SLC12A7: variants seen among roughly 807,000 people sequenced by gnomAD.
The protein encoded by SLC12A7 is K-Cl cotransporter 4.
SLC12A7 carries 100 observed loss-of-function variants against 120.6 expected under a neutral mutation model. That is an observed-to-expected ratio of 0.83 (90% CI 0.71 to 0.98). The LOEUF is 0.98. SLC12A7 is among the 50% of genes least tolerant of loss of function. The pLI, the probability that SLC12A7 is intolerant of heterozygous loss-of-function variation, is 0.00. For missense variants in SLC12A7, 1,373 were observed against 1,548.1 expected (o/e 0.89, Z 1.90); for synonymous variants, 760 against 678.0 (o/e 1.12, Z -1.88).
the SLC12A7 span, among the ~76,000 whole-genome samples, chr5:1,153,598 A>G: frequency 6.6e-6 from 1 of 152,208 alleles, no homozygotes; most frequent in African/African-American, 2.4e-5. Flanking sequence ...GAGCCAAGGA[A>G]CAGCCCATGG....
At chr5:1,142,583 T>G in the SLC12A7 span, among the ~76,000 whole-genome samples, 1 of 139,432 alleles carries the variant, frequency 7.2e-6, no homozygotes, top group Non-Finnish European at 1.5e-5. Context: ...TCTGTCTCTG[T>G]CCATCTGTCT....
At chr5:1,082,073 T>A (rs11739904) in intron 8 of SLC12A7, among the ~76,000 whole-genome samples, 21 of 59,306 alleles carry the variant, frequency 3.5e-4, no homozygotes, top group South Asian at 1.1e-3. Context: ...CTTCCCATCT[T>A]GGGTTCTGGA....
the SLC12A7 span, among the ~76,000 whole-genome samples, chr5:1,118,042 C>T: frequency 6.6e-6 from 1 of 152,150 alleles, no homozygotes; most frequent in Non-Finnish European, 1.5e-5. Flanking sequence ...CGCCACTGCA[C>T]TCCAGCCTGG....
chr5:1,099,203 C>T (rs1271251236), intron 1 of SLC12A7, among the ~76,000 whole-genome samples: 2 of 152,158 alleles, frequency 1.3e-5, no homozygotes, highest in Non-Finnish European at 2.9e-5. Context: ...AGCCAAACCC[C>T]ACCCCATGGG....
chr5:1,123,088 G>A, the SLC12A7 span, among the ~76,000 whole-genome samples: 13 of 152,308 alleles, frequency 8.5e-5, no homozygotes, highest in African/African-American at 1.4e-4. Flanking sequence ...TGGCTGAGCC[G>A]CTGCCACTGC....
chr5:1,109,385 C>T (rs1742815087), intron 1 of SLC12A7, among the ~76,000 whole-genome samples: 1 of 152,224 alleles, frequency 6.6e-6, no homozygotes, highest in Non-Finnish European at 1.5e-5. Context: ...CCTCCCACCT[C>T]CTACTCTCAA....
At chr5:1,147,641 C>A in the SLC12A7 span, among the ~76,000 whole-genome samples, 1 of 152,340 alleles carries the variant, frequency 6.6e-6, no homozygotes, top group African/African-American at 2.4e-5. Flanking sequence ...ACATTTAAAT[C>A]TCTCTGCTCC....
chr5:1,089,862 AG>A (rs1740297815), intron 3 of SLC12A7, among the ~76,000 whole-genome samples: 1 of 151,664 alleles, frequency 6.6e-6, no homozygotes, highest in Non-Finnish European at 1.5e-5. Flanking sequence ...GGGACGGGCC[AG>A]GCTGGGGTAG....
the SLC12A7 span, among the ~76,000 whole-genome samples, chr5:1,151,522 A>G: frequency 6.6e-6 from 1 of 152,134 alleles, no homozygotes; most frequent in Admixed American, 6.5e-5. This position sits in a 1 kb window ranked among gnomAD's most constrained non-coding sequence, Gnocchi z 6.2. Context: ...CCCACCAGCC[A>G]TAACAACAGC....
intron 3 of SLC12A7, among the ~76,000 whole-genome samples, chr5:1,089,638 C>T (rs941866118): frequency 7.2e-5 from 11 of 152,180 alleles, no homozygotes; most frequent in African/African-American, 9.6e-5. Context: ...ACATCTTAAC[C>T]GGGCACGGAG....
chr5:1,073,857 A>C (rs907699543), intron 16 of SLC12A7, 56 bp from the exon 17 acceptor site: 1 of 1,335,630 alleles, frequency 7.5e-7, no homozygotes. Flanking sequence ...GGCACGGCCC[A>C]TCAACAGGCA....
intron 14 of SLC12A7, 126 bp downstream of exon 14, chr5:1,076,012 T>TGCAGAGGCACCCA: frequency 1.3e-6 from 1 of 761,746 alleles, no homozygotes; most frequent in Non-Finnish European, 2.1e-6. Context: ...CAGCTGGCCT[T>TGCAGAGGCACCCA]GTAGAGGCAC....
At chr5:1,074,095 A>G (rs1280440415) in intron 16 of SLC12A7, among the ~76,000 whole-genome samples, 2 of 152,078 alleles carry the variant, frequency 1.3e-5, no homozygotes, top group East Asian at 3.9e-4. Flanking sequence ...GGTAGGTTAG[A>G]CAGGTGGGAC....
the SLC12A7 span, among the ~76,000 whole-genome samples, chr5:1,133,530 C>A: frequency 6.6e-6 from 1 of 152,166 alleles, no homozygotes. Context: ...CGAGGGGGAC[C>A]CCACACAGTG....
chr5:1,129,738 T>G, the SLC12A7 span, among the ~76,000 whole-genome samples: 2 of 152,186 alleles, frequency 1.3e-5, no homozygotes, highest in Admixed American at 6.5e-5. Flanking sequence ...GGGATGTAAT[T>G]TCTGGATATG....
intron 14 of SLC12A7, 152 bp downstream of exon 14, chr5:1,075,986 G>A: frequency 1.6e-6 from 1 of 626,466 alleles, no homozygotes; most frequent in Non-Finnish European, 2.8e-6. Flanking sequence ...ACGCGCTGGG[G>A]TCTTCAGGCC....
At chr5:1,103,522 T>C (rs1481126178) in intron 1 of SLC12A7, among the ~76,000 whole-genome samples, 1 of 152,094 alleles carries the variant, frequency 6.6e-6, no homozygotes, top group Non-Finnish European at 1.5e-5. Context: ...ACACTCTCCA[T>C]ACCCATACTC....
At chr5:1,065,963 G>A (rs1269611775) in intron 17 of SLC12A7, among the ~76,000 whole-genome samples, 3 of 152,158 alleles carry the variant, frequency 2.0e-5, no homozygotes, top group Non-Finnish European at 2.9e-5. Context: ...GTCTCCTCCC[G>A]GGGTTGGAGG....
Position 1,074,211 on chromosome 5 carries a change from G to A in SLC12A7, c.2072+356C>T, listed in dbSNP as rs113021962. 7.5e-4 allele frequency among the ~76,000 whole-genome samples: 114 copies of A among 151,478 alleles called. 1 individual carries two copies. Among genetic ancestry groups the A allele is most frequent in the African/African-American group, 1.2e-3 (51 of 41,168 alleles). ...CCGGGGCACACCCGAGGCCCCCGCC[G>A]AGGCCCCTGAGGGGACAATGGCCCG... On this transcript the variant is annotated intron_variant, in intron 16 of 23. Transcript: ENST00000264930.
Sources: allele counts gnomAD v4.1 joint callset (sites outside exome capture counted in the v4.1 genomes callset), GRCh38; gene constraint gnomAD v4.1.1; non-coding constraint Gnocchi (gnomAD v3.1); transcripts MANE v1.5; gene names NCBI Gene and HGNC (gene_info 2026-07-23, HGNC 2026-07-21).